Variants in DNAH7 observed in about 807,000 individuals in gnomAD.
The protein encoded by DNAH7 is axonemal beta dynein heavy chain 7.
A neutral mutation model predicts 444.6 loss-of-function variants in DNAH7; 397 were observed. That is an observed-to-expected ratio of 0.89 (90% confidence interval 0.82 to 0.97). The LOEUF (loss-of-function observed/expected upper bound fraction) is 0.97, where lower values mean the gene tolerates loss of function less well. Ranked by LOEUF, DNAH7 falls within the 50% of genes least tolerant of loss-of-function variation. The probability of loss-of-function intolerance (pLI) is 0.00; values close to 1 mark genes in which losing one functional copy is unlikely to be tolerated. For missense variants in DNAH7, 4,902 were observed against 4,800.8 expected, an observed-to-expected ratio of 1.02 and a Z score of -0.62; for synonymous variants, 1,636 against 1,624.4, an observed-to-expected ratio of 1.01 and a Z score of -0.17.
intron 61 of DNAH7, among the ~76,000 whole-genome samples, chr2:195,761,272 GCT>G: frequency 6.6e-6 from 1 of 152,008 alleles, no homozygotes; most frequent in East Asian, 1.9e-4. Context: ...TAGAAGACAG[GCT>G]ATTTGAAAAT....
In DNAH7 at chr2:196,048,611, G is replaced by C. The variant is rs556845298; in HGVS notation, c.142-207C>G. On this transcript the variant is annotated intron_variant, in intron 3 of 64. Coordinates refer to ENST00000312428, the MANE Select transcript of DNAH7 (RefSeq NM_018897.3). ...GGACATTAACAAAAGTCCTGCTGTT[G>C]GTTGGATGTGAATGCCTGTTACCTA... Among the ~76,000 whole-genome samples the C allele has an allele frequency of 2.0e-5, 3 of 152,238 alleles. No homozygotes were observed. In the South Asian group the frequency reaches 6.2e-4, roughly 32 times the overall value.
intron 5 of DNAH7, among the ~76,000 whole-genome samples, chr2:196,033,138 C>T (rs929317910): frequency 4.0e-5 from 6 of 151,896 alleles, no homozygotes; most frequent in South Asian, 2.1e-4. Flanking sequence ...TTTGAGCCCA[C>T]GTTGTGTTAT....
chr2:195,939,367 G>GA (rs1689268724), intron 19 of DNAH7, among the ~76,000 whole-genome samples: 2 of 152,068 alleles, frequency 1.3e-5, no homozygotes, highest in African/African-American at 4.8e-5. Flanking sequence ...ATTCCTCTAA[G>GA]AATCGCCATC....
rs1041300880 is a variant in DNAH7, at chr2:196,035,070, T to G, written c.399-7023A>C. ...GGTGGTGCACACCTGTAATCCCAGG[T>G]ACTTGAGAGGCTGAGGTAGGAAAAT... is the stretch of plus-strand genomic sequence containing the variant. On this transcript the variant is annotated intron_variant, in intron 5 of 64. Coordinates refer to ENST00000312428, the MANE Select transcript of DNAH7 (RefSeq NM_018897.3). 5.3e-5 allele frequency among the ~76,000 whole-genome samples: 8 copies of G among 152,132 alleles called. No homozygotes were observed. The East Asian group carries it at 1.5e-3, about 29-fold the overall frequency.
At chr2:195,927,156 C>T (rs928773647) in intron 21 of DNAH7, among the ~76,000 whole-genome samples, 6 of 152,114 alleles carry the variant, frequency 3.9e-5, no homozygotes, top group Admixed American at 3.9e-4. Flanking sequence ...GTCAGGAAGT[C>T]TAATTTTGTA....
intron 40 of DNAH7, among the ~76,000 whole-genome samples, chr2:195,871,343 G>A (rs1471843185): frequency 6.6e-6 from 1 of 152,072 alleles, no homozygotes; most frequent in African/African-American, 2.4e-5. Flanking sequence ...CTATCACCCA[G>A]GCTGAAGCGC....
intron 54 of DNAH7, among the ~76,000 whole-genome samples, chr2:195,805,820 T>C (rs13408206): frequency 0.029 from 4,380 of 152,248 alleles, 210 homozygotes; most frequent in African/African-American, 0.099. Flanking sequence ...TGCCACATCA[T>C]GCAAGAATTA....
intron 19 of DNAH7, among the ~76,000 whole-genome samples, chr2:195,939,946 C>A (rs1270993253): frequency 1.3e-5 from 2 of 152,122 alleles, no homozygotes; most frequent in Non-Finnish European, 2.9e-5. Context: ...GGCCATACTG[C>A]CCAAAGTAAT....
At chr2:195,948,927 A>G (rs1690017239) in intron 19 of DNAH7, among the ~76,000 whole-genome samples, 1 of 152,190 alleles carries the variant, frequency 6.6e-6, no homozygotes, top group Non-Finnish European at 1.5e-5. Context: ...ATCCATGAGC[A>G]TGGAATCTTT....
intron 5 of DNAH7, among the ~76,000 whole-genome samples, chr2:196,034,223 A>C (rs1490662805): frequency 6.6e-6 from 1 of 152,214 alleles, no homozygotes; most frequent in Non-Finnish European, 1.5e-5. Flanking sequence ...TAAGGTCAAC[A>C]AGCAAAAATC....
intron 1 of DNAH7, among the ~76,000 whole-genome samples, chr2:196,061,309 T>C (rs545366969): frequency 9.9e-5 from 15 of 152,284 alleles, no homozygotes; most frequent in African/African-American, 3.6e-4. Flanking sequence ...CCCCATATAC[T>C]GGAATCTCCC....
At chr2:195,943,621 G>T (rs771788473) in intron 19 of DNAH7, among the ~76,000 whole-genome samples, 11 of 152,130 alleles carry the variant, frequency 7.2e-5, no homozygotes, top group Non-Finnish European at 1.0e-4. Context: ...CAGTGTTGGT[G>T]AGGGGTAGTC....
At chr2:195,937,510 G>A (rs898636728) in intron 19 of DNAH7, among the ~76,000 whole-genome samples, 2 of 151,974 alleles carry the variant, frequency 1.3e-5, no homozygotes, top group African/African-American at 4.8e-5. Flanking sequence ...CTTTTATCCT[G>A]TGTATTCAAA....
At chr2:195,948,487 T>G (rs1360360780) in intron 19 of DNAH7, among the ~76,000 whole-genome samples, 1 of 152,102 alleles carries the variant, frequency 6.6e-6, no homozygotes, top group East Asian at 1.9e-4. Flanking sequence ...AAGGAAGGGG[T>G]CCAGTTTCAG....
At chr2:196,057,156 C>A (rs1414587631) in intron 2 of DNAH7, among the ~76,000 whole-genome samples, 1 of 151,910 alleles carries the variant, frequency 6.6e-6, no homozygotes, top group Non-Finnish European at 1.5e-5. Flanking sequence ...TTTTAAATAC[C>A]TCTTAAAAAT....
chr2:195,934,252 A>G (rs1369503853), intron 21 of DNAH7, among the ~76,000 whole-genome samples: 1 of 152,206 alleles, frequency 6.6e-6, no homozygotes, highest in Non-Finnish European at 1.5e-5. Context: ...TCATGTAGAG[A>G]GGTGCTTCCA....
chr2:195,774,402 A>G (rs1486855330), intron 60 of DNAH7, among the ~76,000 whole-genome samples: 1 of 152,262 alleles, frequency 6.6e-6, no homozygotes, highest in Non-Finnish European at 1.5e-5. Flanking sequence ...ATGTCATAGT[A>G]GAGTAGACCA....
intron 21 of DNAH7, among the ~76,000 whole-genome samples, chr2:195,931,870 T>C (rs1688722676): frequency 6.6e-6 from 1 of 152,214 alleles, no homozygotes. Context: ...GCCTCCAGCT[T>C]TGTTCTTTTG....
chr2:195,846,219 C>T (rs1698987369), intron 46 of DNAH7, among the ~76,000 whole-genome samples: 1 of 152,166 alleles, frequency 6.6e-6, no homozygotes, highest in Non-Finnish European at 1.5e-5. Flanking sequence ...AGATACTTCT[C>T]AACAGAAGAC....
Sources: allele counts gnomAD v4.1 joint callset (sites outside exome capture counted in the v4.1 genomes callset), GRCh38; gene constraint gnomAD v4.1.1; transcripts MANE v1.5; gene names NCBI Gene and HGNC (gene_info 2026-07-23, HGNC 2026-07-21).